The following GRIP1 variants were observed in gnomAD, a reference collection of about 807,000 sequenced individuals.
GRIP1 encodes glutamate receptor-interacting protein 1.
GRIP1 carries 45 observed loss-of-function variants against 129.9 expected under a neutral mutation model. The ratio of observed to expected loss-of-function variants is 0.35; its 90% CI spans 0.27 to 0.44. GRIP1 has a LOEUF of 0.44. GRIP1 is among the 20% of genes least tolerant of loss of function. GRIP1 has a pLI of 1.00. For missense variants in GRIP1, 1,196 were observed against 1,396.8 expected (o/e 0.86, Z 2.29); for synonymous variants, 530 against 520.8 (o/e 1.02, Z -0.24).
chr12:66,714,312 A>G (rs568218328), intron 1 of GRIP1, among the ~76,000 whole-genome samples: 18 of 152,214 alleles, frequency 1.2e-4, no homozygotes, highest in Non-Finnish European at 7.4e-5. Flanking sequence ...TATTTCATTG[A>G]AAATGATGAT....
In GRIP1 at chr12:66,764,860, C is replaced by T. The variant is rs142856722; in HGVS notation, c.-420+39193G>A. Among the ~76,000 whole-genome samples the T allele has an allele frequency of 2.3e-3, 351 of 152,274 alleles. 1 individual carries two copies. Among genetic ancestry groups the T allele is most frequent in the African/African-American group, 5.7e-3 (237 of 41,566 alleles). On this transcript the variant is annotated intron_variant, in intron 1 of 4. Transcript: ENST00000538373. Reference sequence around the variant, plus strand: ...AGGGCAGCTTAAGTAGTCTGTAAAACGTAACAATAACAACAATATTACTAA... The same window carrying T: ...AGGGCAGCTTAAGTAGTCTGTAAAATGTAACAATAACAACAATATTACTAA...
chr12:66,542,645 T>C (rs995442789), intron 2 of GRIP1, among the ~76,000 whole-genome samples: 1 of 152,188 alleles, frequency 6.6e-6, no homozygotes, highest in African/African-American at 2.4e-5. Flanking sequence ...TATAGCAAGA[T>C]AGAACTCAAC....
At chr12:66,719,624 A>T (rs2035998269) in intron 1 of GRIP1, among the ~76,000 whole-genome samples, 2 of 152,214 alleles carry the variant, frequency 1.3e-5, no homozygotes, top group Admixed American at 6.5e-5. Context: ...AAAATTCACT[A>T]CCAAACAAAT....
intron 1 of GRIP1, among the ~76,000 whole-genome samples, chr12:66,674,103 C>A (rs1295700499): frequency 6.6e-6 from 1 of 151,974 alleles, no homozygotes. Flanking sequence ...AGAAGGCCAG[C>A]GAGGGTTAGC....
chr12:67,036,337 T>C (rs1446149874), intron 1 of GRIP1, among the ~76,000 whole-genome samples: 2 of 80,064 alleles, frequency 2.5e-5, no homozygotes, highest in Admixed American at 2.3e-4. Context: ...TAAGGATGTC[T>C]TTTTTTTTTT....
intron 1 of GRIP1, among the ~76,000 whole-genome samples, chr12:67,040,076 G>A (rs1252292): frequency 0.91 from 139,234 of 152,182 alleles, 64,418 homozygotes; most frequent in Non-Finnish European, 0.98. Context: ...CAGCCTCTAC[G>A]CTGCTTTCGT....
chr12:66,413,768 T>C (rs535829260), intron 15 of GRIP1, among the ~76,000 whole-genome samples: 1 of 152,328 alleles, frequency 6.6e-6, no homozygotes, highest in South Asian at 2.1e-4. Flanking sequence ...GTTGGCTTCA[T>C]CCCTGGGATG....
At position 66,854,191 on chromosome 12, in the gene GRIP1, G is replaced by A. The variant is rs550303377; in HGVS notation, c.58+214859C>T. On this transcript the variant is annotated intron_variant, in intron 1 of 1. Coordinates refer to the GRIP1 transcript ENST00000643019. ...AGACTGTATCAAAATGAAAACGTGC[G>A]ACAAGACAGAGGACACACAGGCGAG... 5.2e-4 allele frequency among the ~76,000 whole-genome samples: 79 copies of A among 152,070 alleles called. 2 individuals are homozygous for A. In the South Asian group the frequency reaches 0.016, roughly 31 times the overall value.
At chr12:66,424,445 A>G (rs1353029265) in intron 14 of GRIP1, among the ~76,000 whole-genome samples, 1 of 152,166 alleles carries the variant, frequency 6.6e-6, no homozygotes, top group African/African-American at 2.4e-5. Flanking sequence ...ATAATATATG[A>G]CTATTACTAC....
intron 1 of GRIP1, among the ~76,000 whole-genome samples, chr12:66,775,562 T>C (rs2037953537): frequency 6.6e-6 from 1 of 152,148 alleles, no homozygotes; most frequent in South Asian, 2.1e-4. Context: ...TATTACAAAA[T>C]AGATCCTAAA....
intron 23 of GRIP1, among the ~76,000 whole-genome samples, chr12:66,358,297 T>A (rs563381487): frequency 1.3e-5 from 2 of 152,338 alleles, no homozygotes; most frequent in African/African-American, 4.8e-5. Flanking sequence ...TGTGTCCTTT[T>A]GATAGGATCC....
At chr12:66,992,291 G>C (rs1248156478) in intron 1 of GRIP1, among the ~76,000 whole-genome samples, 1 of 152,066 alleles carries the variant, frequency 6.6e-6, no homozygotes, top group Admixed American at 6.6e-5. Context: ...AACAGAACAT[G>C]AAGAAGCAGG....
chr12:67,050,141 C>G (rs907412112), intron 1 of GRIP1, among the ~76,000 whole-genome samples: 3 of 149,206 alleles, frequency 2.0e-5, no homozygotes, highest in African/African-American at 5.2e-5. Flanking sequence ...TTTTATGTTA[C>G]AAATGTTCTT....
At chr12:66,742,760 G>T (rs551252620) in intron 1 of GRIP1, among the ~76,000 whole-genome samples, 1 of 152,016 alleles carries the variant, frequency 6.6e-6, no homozygotes, top group Non-Finnish European at 1.5e-5. Flanking sequence ...GCTGAGAGAA[G>T]AAAAGGGCAA....
At chr12:66,911,057 T>C (rs1162761019) in intron 1 of GRIP1, among the ~76,000 whole-genome samples, 1 of 152,174 alleles carries the variant, frequency 6.6e-6, no homozygotes, top group Non-Finnish European at 1.5e-5. Context: ...GATACAAAAA[T>C]AAGTAATATA....
At position 66,598,366 on chromosome 12, in the gene GRIP1, G is replaced by A. The variant is rs1470763019; in HGVS notation, c.56-1439C>T. Among the ~76,000 whole-genome samples, 5 of 152,246 alleles carry A rather than the reference G, an allele frequency of 3.3e-5. No homozygotes were observed. The South Asian group carries it at 1.0e-3, about 32-fold the overall frequency. The stretch of plus-strand genomic sequence containing the variant: ...GCTGTTTCATGTTTATATTTAATTT[G>A]TCACACAATTTTTTATATTCTTCCA... On this transcript the variant is annotated intron_variant, in intron 1 of 24. Coordinates refer to ENST00000359742, the MANE Select transcript of GRIP1 (RefSeq NM_001366722.1).
chr12:66,407,783 T>C (rs981549415), intron 15 of GRIP1, among the ~76,000 whole-genome samples: 2 of 152,108 alleles, frequency 1.3e-5, no homozygotes, highest in African/African-American at 4.8e-5. Flanking sequence ...AAGACAGCAA[T>C]TCCTGGACAA....
At chr12:66,662,822 T>C (rs1016336024) in intron 1 of GRIP1, among the ~76,000 whole-genome samples, 1 of 152,186 alleles carries the variant, frequency 6.6e-6, no homozygotes, top group Non-Finnish European at 1.5e-5. Flanking sequence ...CGATTACTGC[T>C]CTACCCTTCC....
At chr12:66,624,864 G>A (rs576992941) in intron 1 of GRIP1, among the ~76,000 whole-genome samples, 67 of 152,246 alleles carry the variant, frequency 4.4e-4, no homozygotes, top group Admixed American at 1.4e-3. Flanking sequence ...AATATTTACA[G>A]CTAATTTCCA....
Sources: gnomAD v4.1 joint callset for allele counts (sites outside exome capture counted in the v4.1 genomes callset) on GRCh38, gnomAD v4.1.1 for gene constraint, MANE v1.5 for transcripts, NCBI Gene and HGNC (gene_info 2026-07-23, HGNC 2026-07-21) for gene names.